Variants in LRRC37B observed in about 807,000 individuals in gnomAD.
LRRC37B encodes leucine-rich repeat-containing protein 37B.
LRRC37B carries 28 observed loss-of-function variants against 98.3 expected under a neutral mutation model. That is an observed-to-expected ratio of 0.28 (90% CI 0.21 to 0.39). LRRC37B has a LOEUF of 0.39. Ranked by LOEUF, LRRC37B falls within the 10% of genes least tolerant of loss-of-function variation. The probability of loss-of-function intolerance (pLI) is 1.00; values close to 1 mark genes in which losing one functional copy is unlikely to be tolerated. For missense variants in LRRC37B, 938 were observed against 1,182.7 expected (o/e 0.79, Z 3.03); for synonymous variants, 364 against 442.7 (o/e 0.82, Z 2.23).
intron 1 of LRRC37B, among the ~76,000 whole-genome samples, chr17:32,014,491 TA>T (rs1200033622): frequency 1.3e-5 from 2 of 152,236 alleles, no homozygotes; most frequent in Non-Finnish European, 2.9e-5. Flanking sequence ...AGTTCTGCTC[TA>T]AAATAAATGT....
Position 32,024,875 on chromosome 17 carries a change from G to T in LRRC37B, c.1832+93G>T, listed in dbSNP as rs1910902574. Reference sequence around the variant, plus strand: ...TTTGAGGTCCATACCTCTGAGAAAAGATATTTCCCCTCCATACCCCAAATC... The same window carrying T: ...TTTGAGGTCCATACCTCTGAGAAAATATATTTCCCCTCCATACCCCAAATC... On this transcript the variant is annotated intron_variant, in intron 2 of 11. Coordinates refer to ENST00000327564, the Ensembl canonical transcript of LRRC37B. 27 of 1,506,564 alleles carry T rather than the reference G, an allele frequency of 1.8e-5. 1 individual carries two copies. In the South Asian group the frequency reaches 2.7e-4, roughly 15 times the overall value. 93.3% of individuals were successfully genotyped at this position (1,506,564 alleles called of 1,614,324 possible).
chr17:32,014,486 T>A (rs1490546850), intron 1 of LRRC37B, among the ~76,000 whole-genome samples: 1 of 152,236 alleles, frequency 6.6e-6, no homozygotes, highest in African/African-American at 2.4e-5. Flanking sequence ...TCAGAAGTTC[T>A]GCTCTAAAAT....
chr17:32,043,527 C>A (rs1598212983), intron 7 of LRRC37B, among the ~76,000 whole-genome samples: 1 of 152,364 alleles, frequency 6.6e-6, no homozygotes, highest in East Asian at 1.9e-4. Flanking sequence ...CACCACTGCA[C>A]TCAACCTGTG....
chr17:32,035,421 G>T, intron 6 of LRRC37B, 144 bp from the exon 10 acceptor site: 1 of 858,278 alleles, frequency 1.2e-6, no homozygotes, highest in East Asian at 2.7e-5. Context: ...GATCTCTCTG[G>T]AATTTTACGG....
upstream of LRRC37B, chr17:32,017,243 A>G (rs915615623): frequency 6.6e-6 from 1 of 152,162 alleles, no homozygotes; most frequent in African/African-American, 2.4e-5. Flanking sequence ...AGCTTTGTTC[A>G]CTGTGTCTGG....
Position 32,024,840 on chromosome 17 carries a change from G to T in LRRC37B, c.1832+58G>T, listed in dbSNP as rs1290501994. On this transcript the variant is annotated intron_variant, in intron 2 of 11. Coordinates refer to ENST00000327564, the Ensembl canonical transcript of LRRC37B. The stretch of plus-strand genomic sequence containing the variant: ...CTAACTGCATTGTAAGATCCTTCTT[G>T]GTCCAGAATTTTGAGGTCCATACCT... The T allele has an allele frequency of 3.8e-6, 6 of 1,581,928 alleles. No homozygotes were observed. The African/African-American group carries it at 8.1e-5, about 21-fold the overall frequency.
At chr17:32,041,038 A>C (rs775089192) in intron 7 of LRRC37B, 17 of 774,638 alleles carry the variant, frequency 2.2e-5, no homozygotes, top group Admixed American at 3.5e-5. Context: ...AACCTCCTGG[A>C]GACCAACATT....
rs531161404 is a variant in LRRC37B, at chr17:32,013,757, A to G, written c.-190-4215A>G. Among the ~76,000 whole-genome samples, 5 of 151,258 alleles carry G rather than the reference A, an allele frequency of 3.3e-5. No individual in the cohort carries two copies. The South Asian group carries it at 1.0e-3, about 32-fold the overall frequency. On this transcript the variant is annotated intron_variant, in intron 1 of 14. Transcript: ENST00000543378. The stretch of plus-strand genomic sequence containing the variant: ...GTGTATCTATATACACTTTCAATGT[A>G]TGTAGGTATATAGATATGTATCTAT...
Position 32,042,075 on chromosome 17 carries a change from C to T in LRRC37B, c.2205-3625C>T, listed in dbSNP as rs549562977. 11 of 335,640 alleles carry T rather than the reference C, an allele frequency of 3.3e-5. No homozygotes were observed. The East Asian group carries it at 5.7e-4, about 17-fold the overall frequency. 20.8% of individuals were successfully genotyped at this position (335,640 alleles called of 1,614,324 possible). On this transcript the variant is annotated intron_variant, in intron 7 of 11. Coordinates refer to ENST00000327564, the Ensembl canonical transcript of LRRC37B. ...AGTACCCCAGCCTCACACATGCACTCCTTCTCCCCAAGGCCAGGGCAGAGG... is the reference window on the plus strand; with the variant it reads ...AGTACCCCAGCCTCACACATGCACTTCTTCTCCCCAAGGCCAGGGCAGAGG...
chr17:32,047,909 G>T lies in LRRC37B; in HGVS notation c.2464+8G>T, dbSNP rs1429128009. ...ACTTGTCAGGCTTTGGGGGTGAGCA[G>T]CTAGACACCAATGACGAGAGTGATG... On this transcript the variant is annotated splice_region_variant and intron_variant, in intron 9 of 11. Transcript: ENST00000327564. 6.2e-7 allele frequency: 1 copy of T among 1,614,162 alleles called. No individual in the cohort carries two copies. Among genetic ancestry groups the T allele is most frequent in the South Asian group, 1.1e-5 (1 of 91,074 alleles).
chr17:32,029,793 TGTAA>T (rs1378970172), intron 3 of LRRC37B, among the ~76,000 whole-genome samples: 9 of 152,284 alleles, frequency 5.9e-5, no homozygotes, highest in Admixed American at 5.9e-4. Context: ...ACAGCAGTGC[TGTAA>T]GATGGATCTG....
At chr17:32,020,926 G>T, upstream of LRRC37B, 20 of 1,436,148 alleles carry the variant, frequency 1.4e-5, no homozygotes, top group Non-Finnish European at 1.8e-5. Flanking sequence ...CTAAGGGGAG[G>T]GGAGGGGTGT....
In LRRC37B at chr17:32,021,352, C is replaced by T. The variant is rs376737761; in HGVS notation, c.287C>T (p.Pro96Leu). ...CATGCACCTGCTCCCCCAGCAGCCC[C>T]GGGGGACTTTGATTACCTGGGGCCC... The change falls in exon 1 of 12, where the codon CCG becomes CTG. Residue 96 changes from proline (P) to leucine (L), a missense_variant. This residue lies in a region of LRRC37B where 610 missense variants were observed against 625.6 expected (regional missense o/e 0.98). Transcript: ENST00000327564. The T allele has an allele frequency of 3.4e-5, 55 of 1,613,984 alleles. No homozygotes were observed. The highest frequency in any genetic ancestry group is 1.9e-4 in the African/African-American group (14 of 75,058).
intron 11 of LRRC37B, chr17:32,053,038 T>G (rs1911802606): frequency 7.8e-6 from 4 of 512,446 alleles, no homozygotes; most frequent in Admixed American, 4.0e-5. Flanking sequence ...CATCCACAGA[T>G]TCTGGTATGG....
intron 11 of LRRC37B, chr17:32,053,043 G>T: frequency 9.5e-6 from 5 of 527,292 alleles, no homozygotes; most frequent in South Asian, 7.5e-5. Flanking sequence ...ACAGATTCTG[G>T]TATGGTGTGG....
chr17:32,021,074 C>G, exon 1 of LRRC37B: 1 of 1,612,288 alleles, frequency 6.2e-7, no homozygotes, highest in East Asian at 2.2e-5. Flanking sequence ...GCATGGCACA[C>G]GCTTATAAGG....
chr17:32,030,843 A>G, intron 4 of LRRC37B, 116 bp downstream of exon 7: 1 of 616,192 alleles, frequency 1.6e-6, no homozygotes, highest in Non-Finnish European at 2.7e-6. Context: ...AGGTACTAAA[A>G]TTATATAGCA....
At chr17:32,049,118 T>C in exon 10 of LRRC37B, 1 of 1,613,888 alleles carries the variant, frequency 6.2e-7, no homozygotes, top group Non-Finnish European at 8.5e-7. Flanking sequence ...AGCTTGAAAT[T>C]CAGCTAACCG....
At chr17:32,035,412 A>T (rs1365647028) in intron 6 of LRRC37B, among the ~76,000 whole-genome samples, 153 bp from the exon 10 acceptor site, 1 of 152,180 alleles carries the variant, frequency 6.6e-6, no homozygotes, top group African/African-American at 2.4e-5. Context: ...CTTTAATAAG[A>T]TCTCTCTGGA....
Sources: allele counts gnomAD v4.1 joint callset (sites outside exome capture counted in the v4.1 genomes callset), GRCh38; gene constraint gnomAD v4.1.1; regional missense constraint gnomAD v4.1.1; transcripts MANE v1.5; gene names NCBI Gene and HGNC (gene_info 2026-07-23, HGNC 2026-07-21).